Variants in NBAS observed in about 807,000 individuals in gnomAD.
NBAS encodes the protein NAG/BC035112 fusion.
A neutral mutation model predicts 302.5 loss-of-function variants in NBAS; 219 were observed. The observed-to-expected ratio is 0.72, with a 90% CI of 0.65 to 0.81. NBAS has a LOEUF of 0.81. Among genes scored for constraint, NBAS ranks in the 30% least tolerant of loss-of-function variants. NBAS has a pLI of 0.00. For synonymous variants in NBAS, 1,118 were observed against 1,021.6 expected, an observed-to-expected ratio of 1.09 and a Z score of -1.80; for missense variants, 2,932 against 2,841.6, an observed-to-expected ratio of 1.03 and a Z score of -0.72.
the NBAS span, among the ~76,000 whole-genome samples, chr2:14,916,163 GAATAA>G: frequency 6.6e-6 from 1 of 151,986 alleles, no homozygotes; most frequent in Non-Finnish European, 1.5e-5. Flanking sequence ...AGATGCTTTA[GAATAA>G]GCCTGGGCTT....
intron 11 of NBAS, among the ~76,000 whole-genome samples, chr2:15,496,430 C>G (rs1681075864): frequency 1.3e-5 from 2 of 152,054 alleles, no homozygotes. Context: ...TGTGAATATA[C>G]TAAAAACCTC....
chr2:15,209,469 CCAGA>C (rs1275679741), intron 48 of NBAS, among the ~76,000 whole-genome samples: 2 of 151,894 alleles, frequency 1.3e-5, no homozygotes, highest in Non-Finnish European at 2.9e-5. Context: ...GATACTAAAC[CCAGA>C]CAAAGACACA....
At chr2:15,505,081 C>T (rs1661777340) in intron 10 of NBAS, among the ~76,000 whole-genome samples, 1 of 152,152 alleles carries the variant, frequency 6.6e-6, no homozygotes, top group South Asian at 2.1e-4. Flanking sequence ...TAGAGAATAA[C>T]CCAAACTTTA....
chr2:15,487,689 TAC>T (rs1558383448), intron 12 of NBAS, among the ~76,000 whole-genome samples: 3 of 152,306 alleles, frequency 2.0e-5, no homozygotes, highest in East Asian at 3.9e-4. Flanking sequence ...CTAAATACAT[TAC>T]ACAGTTTTGA....
intron 32 of NBAS, among the ~76,000 whole-genome samples, chr2:15,363,405 G>T (rs773081544): frequency 4.6e-5 from 7 of 152,096 alleles, no homozygotes; most frequent in African/African-American, 1.2e-4. Context: ...ATTAATTTTT[G>T]ATTTGAGATG....
chr2:15,292,566 A>G lies in NBAS; in HGVS notation c.4998T>C (p.Tyr1666=), dbSNP rs1670353849. 9 of 1,614,220 alleles carry G rather than the reference A, an allele frequency of 5.6e-6. No individual in the cohort carries two copies. The highest frequency in any genetic ancestry group is 7.6e-6 in the Non-Finnish European group (9 of 1,180,036). ...DVQRFTADDQ[Y]KRETILGLAE... ...CCAGACCAAGGATAGTTTCCCTTTT[A>G]TACTGGTCATCTGCAGTAAACCGCT... is the stretch of plus-strand genomic sequence containing the variant. The change falls in exon 41 of 52, where the codon TAT becomes TAC. Residue 1666 remains tyrosine (Y), a synonymous_variant. Coordinates refer to ENST00000281513, the MANE Select transcript of NBAS (RefSeq NM_015909.4).
intron 9 of NBAS, among the ~76,000 whole-genome samples, chr2:15,532,892 T>C (rs1045145454): frequency 2.0e-5 from 3 of 152,102 alleles, no homozygotes; most frequent in Non-Finnish European, 4.4e-5. Flanking sequence ...ATGCATATAA[T>C]AGACTAAGAA....
chr2:14,889,460 T>C, the NBAS span, among the ~76,000 whole-genome samples: 1 of 152,204 alleles, frequency 6.6e-6, no homozygotes, highest in Non-Finnish European at 1.5e-5. Flanking sequence ...AAGGTGGATA[T>C]CATATGGAAG....
At position 15,186,882 on chromosome 2, in the gene NBAS, T is replaced by C. The variant is rs1313057342; in HGVS notation, c.6573-2A>G. 7 of 1,614,010 alleles carry C rather than the reference T, an allele frequency of 4.3e-6. No individual in the cohort carries two copies. The East Asian group carries it at 1.3e-4, about 31-fold the overall frequency. ...CTCACCCATGGATTATTGGTTATGC[T>C]GGTGTTTATGGAGAAAAATACAAGG... On this transcript the variant is annotated splice_acceptor_variant, in intron 49 of 51. Transcript: ENST00000281513. LOFTEE classifies it high-confidence loss of function.
chr2:15,447,136 A>G (rs539873604), intron 21 of NBAS, among the ~76,000 whole-genome samples: 2 of 152,358 alleles, frequency 1.3e-5, no homozygotes, highest in Non-Finnish European at 2.9e-5. Context: ...AACAAATACC[A>G]GTTTAAAACA....
intron 44 of NBAS, among the ~76,000 whole-genome samples, chr2:15,244,569 C>T (rs1668004089): frequency 6.6e-6 from 1 of 151,946 alleles, no homozygotes; most frequent in South Asian, 2.1e-4. Flanking sequence ...GCGCTTAATG[C>T]AATTATCTTG....
At chr2:15,277,930 A>C (rs3805093) in intron 42 of NBAS, among the ~76,000 whole-genome samples, 85,715 of 151,776 alleles carry the variant, frequency 0.56, 25,850 homozygotes, top group East Asian at 0.85. Context: ...GATGAGTTTC[A>C]TACTCCCTAA....
intron 31 of NBAS, among the ~76,000 whole-genome samples, chr2:15,367,758 G>A (rs1458679599): frequency 6.6e-6 from 1 of 152,176 alleles, no homozygotes; most frequent in Non-Finnish European, 1.5e-5. Flanking sequence ...AAGAGAGGTG[G>A]TATTTTTCCT....
chr2:15,121,367 G>T, the NBAS span, among the ~76,000 whole-genome samples: 2 of 152,162 alleles, frequency 1.3e-5, no homozygotes, highest in African/African-American at 4.8e-5. Flanking sequence ...CCTGCAACCT[G>T]CTCAGACAAG....
At chr2:15,554,185 C>T (rs766465217) in intron 3 of NBAS, 47 bp from the exon 4 acceptor site, 103 of 1,421,456 alleles carry the variant, frequency 7.2e-5, no homozygotes, top group African/African-American at 1.7e-4. Flanking sequence ...TCATGAAAAC[C>T]ACATATATGC....
At chr2:15,247,581 C>T (rs151115109) in intron 44 of NBAS, among the ~76,000 whole-genome samples, 3,665 of 151,830 alleles carry the variant, frequency 0.024, 59 homozygotes, top group Middle Eastern at 0.041. Flanking sequence ...TCTGATACAA[C>T]AGAATTTAAA....
At chr2:14,989,968 T>C in the NBAS span, among the ~76,000 whole-genome samples, 41 of 152,324 alleles carry the variant, frequency 2.7e-4, no homozygotes, top group East Asian at 6.8e-3. Context: ...TAAAACACTG[T>C]GTGCATAAAG....
chr2:15,135,259 C>G, the NBAS span, among the ~76,000 whole-genome samples: 2 of 152,164 alleles, frequency 1.3e-5, no homozygotes, highest in East Asian at 3.8e-4. Context: ...TTGGGTTTCA[C>G]CAAGGATGAC....
intron 3 of NBAS, among the ~76,000 whole-genome samples, chr2:15,555,667 C>G (rs1273240111): frequency 6.6e-6 from 1 of 152,106 alleles, no homozygotes; most frequent in Non-Finnish European, 1.5e-5. Flanking sequence ...AGCAGCATAT[C>G]ATGAGACAGA....
Sources: allele counts gnomAD v4.1 joint callset (sites outside exome capture counted in the v4.1 genomes callset), GRCh38; gene constraint gnomAD v4.1.1; transcripts MANE v1.5; gene names NCBI Gene and HGNC (gene_info 2026-07-23, HGNC 2026-07-21).